The following AP1B1 variants were observed in gnomAD, a reference collection of about 807,000 sequenced individuals.
AP1B1 encodes the protein AP-1 complex subunit beta-1.
In AP1B1, 36 loss-of-function variants were observed where a neutral mutation model predicts 104.3. That is an observed-to-expected ratio of 0.35 (90% confidence interval 0.26 to 0.46). The LOEUF (loss-of-function observed/expected upper bound fraction) is 0.46. Among genes scored for constraint, AP1B1 ranks in the 20% least tolerant of loss-of-function variants. AP1B1 has a pLI of 1.00. For synonymous variants in AP1B1, 504 were observed against 517.5 expected, an observed-to-expected ratio of 0.97 and a Z score of 0.35; for missense variants, 901 against 1,247.9, an observed-to-expected ratio of 0.72 and a Z score of 4.19.
rs533028569 is a variant in AP1B1 at position 29,358,951 on chromosome 22, G to A, written c.300C>T (p.Pro100=). The A allele has an allele frequency of 6.2e-6, 10 of 1,611,038 alleles. No homozygotes were observed. In the South Asian group the frequency reaches 6.6e-5, roughly 11 times the overall value. ...TFVKDCEDPN[P]LIRALAVRTM... ...TCCGCACTGCCAGGGCTCGGATGAG[G>A]GGGTTGGGGTCCTCACAGTCCTGGG... The change falls in exon 5 of 23, where the codon CCC becomes CCT. Residue 100 remains proline, a synonymous_variant. Coordinates refer to ENST00000357586, the MANE Select transcript of AP1B1 (RefSeq NM_001127.4).
rs1303179849 is a variant in AP1B1 at position 29,330,677 on chromosome 22, T to C, written c.2557A>G (p.Ile853Val). 6.2e-7 allele frequency: 1 copy of C among 1,613,666 alleles called. No homozygotes were observed. The highest frequency in any genetic ancestry group is 8.5e-7 in the Non-Finnish European group (1 of 1,179,998). ...RQMFLATWKD[I>V]PNENEAQFQI... Reference sequence around the variant, plus strand: ...AACTGGGCCTCATTCTCATTGGGAATATCCTTCCATGTGGCCAGGAACATC... The same window carrying C: ...AACTGGGCCTCATTCTCATTGGGAACATCCTTCCATGTGGCCAGGAACATC... Residue 853 changes from isoleucine to valine, a missense_variant, in exon 20 of 23, where the codon ATT (isoleucine) becomes GTT (valine). Around this residue, in one of 3 missense-constraint regions of AP1B1, gnomAD observed 424 missense variants for 494.0 expected, o/e 0.86. Coordinates refer to ENST00000357586, the MANE Select transcript of AP1B1 (RefSeq NM_001127.4).
chr22:29,388,407 G>T lies in AP1B1; in HGVS notation c.-28+17C>A, dbSNP rs2062569462. 6.6e-6 allele frequency: 1 copy of T among 152,510 alleles called. No individual in the cohort carries two copies. Among genetic ancestry groups the T allele is most frequent in the African/African-American group, 2.4e-5 (1 of 41,444 alleles). 9.4% of individuals were successfully genotyped at this position (152,510 alleles called of 1,614,324 possible). On this transcript the variant is annotated intron_variant, in intron 1 of 22. Coordinates refer to ENST00000357586, the MANE Select transcript of AP1B1 (RefSeq NM_001127.4). Reference sequence around the variant, plus strand: ...CCCACTTCTTCTCCTGGCTCGCCCGGGTCCCCGCTTCCTCACCCGCAGGTC... The same window carrying T: ...CCCACTTCTTCTCCTGGCTCGCCCGTGTCCCCGCTTCCTCACCCGCAGGTC...
intron 1 of AP1B1, among the ~76,000 whole-genome samples, chr22:29,373,349 G>A (rs560158137): frequency 6.6e-6 from 1 of 152,244 alleles, no homozygotes; most frequent in Non-Finnish European, 1.5e-5. Flanking sequence ...CTTCTGACAA[G>A]GGCTAATGTG....
At chr22:29,373,455 T>G (rs2062275500) in intron 1 of AP1B1, among the ~76,000 whole-genome samples, 1 of 151,936 alleles carries the variant, frequency 6.6e-6, no homozygotes, top group Non-Finnish European at 1.5e-5. Flanking sequence ...TAAGCTACGG[T>G]GATAACAGTC....
At chr22:29,375,494 C>G (rs1248190029) in intron 1 of AP1B1, among the ~76,000 whole-genome samples, 2 of 151,896 alleles carry the variant, frequency 1.3e-5, no homozygotes, top group African/African-American at 4.8e-5. Flanking sequence ...CAAATGTTTG[C>G]TGGCAAAATG....
At chr22:29,369,874 C>CT (rs772726442) in intron 1 of AP1B1, among the ~76,000 whole-genome samples, 2 of 146,562 alleles carry the variant, frequency 1.4e-5, no homozygotes, top group Non-Finnish European at 3.0e-5. Context: ...CACATAAAGC[C>CT]ATTTTCTCAA....
intron 7 of AP1B1, 135 bp from the exon 8 acceptor site, chr22:29,351,960 T>C (rs1324656151): frequency 4.1e-6 from 5 of 1,217,536 alleles, no homozygotes; most frequent in Non-Finnish European, 5.7e-6. Context: ...GTCACTGCCA[T>C]GGCTGCAAGC....
At chr22:29,380,919 T>G (rs1223307651) in intron 1 of AP1B1, among the ~76,000 whole-genome samples, 2 of 152,212 alleles carry the variant, frequency 1.3e-5, no homozygotes, top group Non-Finnish European at 2.9e-5. Flanking sequence ...CATGGCCTCA[T>G]AGCCCACAGG....
chr22:29,351,382 T>A, intron 8 of AP1B1, 116 bp from the exon 9 acceptor site: 3 of 1,229,246 alleles, frequency 2.4e-6, no homozygotes, highest in Non-Finnish European at 3.6e-6. Context: ...TGCCTCCTGC[T>A]CCAGGTAGAA....
At chr22:29,340,558 C>T (rs1209960907) in intron 14 of AP1B1, 98 bp downstream of exon 14, 15 of 1,252,076 alleles carry the variant, frequency 1.2e-5, no homozygotes, top group Non-Finnish European at 1.5e-5. Flanking sequence ...ATATAATGTA[C>T]CTGAGGCACT....
At chr22:29,365,363 T>C (rs1021924675) in intron 2 of AP1B1, among the ~76,000 whole-genome samples, 15 of 151,914 alleles carry the variant, frequency 9.9e-5, no homozygotes, top group African/African-American at 3.4e-4. Flanking sequence ...ATAAAAAAAA[T>C]AGCTGGGCAT....
At chr22:29,339,182 A>G (rs2061678666) in intron 15 of AP1B1, 49 bp from the exon 16 acceptor site, 3 of 1,610,956 alleles carry the variant, frequency 1.9e-6, no homozygotes, top group Non-Finnish European at 2.5e-6. Flanking sequence ...AGGCAAAGAC[A>G]TCAGGGTCTG....
intron 16 of AP1B1, among the ~76,000 whole-genome samples, chr22:29,335,098 G>A (rs1165572747): frequency 1.3e-5 from 2 of 152,188 alleles, no homozygotes; most frequent in Non-Finnish European, 2.9e-5. Flanking sequence ...AGAGCTCGCT[G>A]AGGGAAAGGC....
At chr22:29,387,256 A>C (rs1186902558) in intron 1 of AP1B1, among the ~76,000 whole-genome samples, 2 of 151,994 alleles carry the variant, frequency 1.3e-5, no homozygotes, top group African/African-American at 4.8e-5. Context: ...AAAAGCAATA[A>C]GGCTACATCG....
chr22:29,367,039 T>C (rs547897076), intron 2 of AP1B1, among the ~76,000 whole-genome samples, 168 bp downstream of exon 2: 1 of 152,148 alleles, frequency 6.6e-6, no homozygotes, highest in African/African-American at 2.4e-5. Flanking sequence ...GTCAATTTCT[T>C]ATATCATCAA....
chr22:29,352,543 C>T (rs1434136242), intron 7 of AP1B1, among the ~76,000 whole-genome samples: 2 of 152,160 alleles, frequency 1.3e-5, no homozygotes, highest in African/African-American at 4.8e-5. Context: ...TCTCATGGAA[C>T]CCTCCAGACT....
rs1458048983 is a variant in AP1B1, at chr22:29,388,463, G to C, written c.-67C>G. ...AGCTCCCGGCGCCCCGGCTCGGTTCGGCTTGGCACCAAAATGTCCGCGGCC... is the reference window on the plus strand; with the variant it reads ...AGCTCCCGGCGCCCCGGCTCGGTTCCGCTTGGCACCAAAATGTCCGCGGCC... On this transcript the variant is annotated 5_prime_UTR_variant, in exon 1 of 23. Coordinates refer to ENST00000357586, the MANE Select transcript of AP1B1 (RefSeq NM_001127.4). 1 of 152,198 alleles carries C rather than the reference G, an allele frequency of 6.6e-6. No individual in the cohort carries two copies. Among genetic ancestry groups the C allele is most frequent in the Non-Finnish European group, 1.5e-5 (1 of 68,074 alleles). The allele number at this position is 152,198 out of a possible 1,614,324, so 9.4% of individuals were successfully genotyped here.
At chr22:29,354,100 C>T (rs905977933) in intron 7 of AP1B1, among the ~76,000 whole-genome samples, 4 of 152,198 alleles carry the variant, frequency 2.6e-5, no homozygotes, top group African/African-American at 9.6e-5. Context: ...GGCGGCACAG[C>T]ATTTGGAGTG....
At position 29,342,272 on chromosome 22, in the gene AP1B1, T is replaced by C. The variant is rs746065470; in HGVS notation, c.1536+13A>G. ...GGCTATGCTGGGCACAGCGGGGAGG[T>C]TGGGGCACCCACCTGAGTGGCCAAA... is the stretch of plus-strand genomic sequence containing the variant. On this transcript the variant is annotated intron_variant, in intron 12 of 22. Coordinates refer to ENST00000357586, the MANE Select transcript of AP1B1 (RefSeq NM_001127.4). 2.2e-5 allele frequency: 35 copies of C among 1,610,378 alleles called. No individual in the cohort carries two copies. The highest frequency in any genetic ancestry group is 2.7e-5 in the Non-Finnish European group (32 of 1,177,468).
Sources: gnomAD v4.1 joint callset for allele counts (sites outside exome capture counted in the v4.1 genomes callset) on GRCh38, gnomAD v4.1.1 for gene constraint, gnomAD v4.1.1 regional missense constraint, MANE v1.5 for transcripts, NCBI Gene and HGNC (gene_info 2026-07-23, HGNC 2026-07-21) for gene names.